HELB: variants seen among roughly 807,000 people sequenced by gnomAD.
The protein encoded by HELB is DNA 5'-3' helicase B.
Under a neutral mutation model 101.7 loss-of-function variants are expected in HELB, and 96 were observed. The ratio of observed to expected loss-of-function variants is 0.94; its 90% CI spans 0.80 to 1.12. HELB has a LOEUF of 1.12. Ranked by LOEUF, HELB falls within the 50% of genes most tolerant of loss-of-function variation. The pLI is 0.00. For synonymous variants in HELB, 437 were observed against 459.7 expected (o/e 0.95, Z 0.63); for missense variants, 1,210 against 1,291.9 (o/e 0.94, Z 0.97).
chr12:66,313,958 C>T, intron 4 of HELB, 28 bp from the exon 5 acceptor site: 1 of 1,606,550 alleles, frequency 6.2e-7, no homozygotes, highest in Non-Finnish European at 8.5e-7. Flanking sequence ...TATAACCTGA[C>T]TTTAGGAATG....
intron 11 of HELB, 124 bp from the exon 12 acceptor site, chr12:66,331,030 A>G (rs1592647276): frequency 1.9e-6 from 2 of 1,051,658 alleles, no homozygotes; most frequent in East Asian, 2.4e-5. Context: ...ATGGACACAT[A>G]ATAATAGTCT....
chr12:66,322,805 A>G lies in HELB; in HGVS notation c.2297+22A>G, dbSNP rs1308103404. ...CCAAGTGAGTGTCTTCGAGAACTGA[A>G]ACTTTTAAGGACAGTCCTTCTTCGA... On this transcript the variant is annotated intron_variant, in intron 9 of 12. Coordinates refer to ENST00000247815, the MANE Select transcript of HELB (RefSeq NM_001370285.1). The G allele has an allele frequency of 2.6e-6, 4 of 1,549,940 alleles. No individual in the cohort carries two copies. In the East Asian group the frequency reaches 9.0e-5, roughly 35 times the overall value.
intron 3 of HELB, among the ~76,000 whole-genome samples, chr12:66,306,740 A>C (rs2053481221): frequency 1.3e-5 from 2 of 152,216 alleles, no homozygotes; most frequent in Non-Finnish European, 2.9e-5. Flanking sequence ...AAGTTGCATA[A>C]ATTTGTAAAT....
chr12:66,313,834 G>C, intron 4 of HELB, 152 bp from the exon 5 acceptor site: 2 of 651,860 alleles, frequency 3.1e-6, no homozygotes, highest in East Asian at 2.7e-5. Flanking sequence ...TGGTCTGTCT[G>C]TTCTGCATAT....
chr12:66,310,654 G>A (rs112885700), intron 4 of HELB, 46 bp downstream of exon 4: 27 of 1,540,390 alleles, frequency 1.8e-5, no homozygotes, highest in African/African-American at 8.3e-5. Context: ...TTTGTCGGCC[G>A]GGCACAGTGG....
rs1352482305 is a variant in HELB, at chr12:66,310,385, G to C, written c.1457G>C (p.Ser486Thr). Residue 486 changes from serine to threonine, a missense_variant, in exon 4 of 13, where the codon AGC becomes ACC. By Grantham distance (58) the Ser-to-Thr change is moderately conservative. Transcript: ENST00000247815. ...GGATGTGGGAAGACCACAATCGTTA[G>C]CCGTCTTTTTAAGCATATAGAGCAG... ...KGGCGKTTIV[S>T]RLFKHIEQLE... The C allele has an allele frequency of 6.2e-7, 1 of 1,614,162 alleles. No individual in the cohort carries two copies. The highest frequency in any genetic ancestry group is 1.3e-5 in the African/African-American group (1 of 75,048).
At chr12:66,338,619 G>C (rs1259263375), downstream of HELB, 1 of 151,862 alleles carries the variant, frequency 6.6e-6, no homozygotes, top group Admixed American at 6.6e-5. Flanking sequence ...TCCATCCTGG[G>C]TGGCAGAGCG....
chr12:66,331,516 C>CA lies in HELB; in HGVS notation c.3034dup (p.Thr1012AsnfsTer4). 1 of 1,614,106 alleles carries CA rather than the reference C, an allele frequency of 6.2e-7. No homozygotes were observed. Among genetic ancestry groups the CA allele is most frequent in the Non-Finnish European group, 8.5e-7 (1 of 1,180,016 alleles). ...CCTCTTCGCCTGATGAGAGGACACTCACCTTTGCTGAAAGATGGCAATTAT... is the reference window on the plus strand; with the variant it reads ...CCTCTTCGCCTGATGAGAGGACACTCAACCTTTGCTGAAAGATGGCAATTAT... On this transcript the variant is annotated frameshift_variant, in exon 12 of 13. Coordinates refer to ENST00000247815, the MANE Select transcript of HELB (RefSeq NM_001370285.1). LOFTEE classifies it high-confidence loss of function.
At chr12:66,324,814 A>T in intron 10 of HELB, 169 bp from the exon 11 acceptor site, 1 of 665,582 alleles carries the variant, frequency 1.5e-6, no homozygotes, top group Non-Finnish European at 2.6e-6. Flanking sequence ...ATATTTAGGT[A>T]TAGATATATT....
At position 66,302,565 on chromosome 12, in the gene HELB, G is replaced by A. The variant is rs1433929363; in HGVS notation, c.-39G>A. On this transcript the variant is annotated 5_prime_UTR_variant, in exon 1 of 13. Transcript: ENST00000247815. ...CTGATCATGACCATGCAGTTAGCCA[G>A]GGTTTTCCCGAGTTGTTTGGGTTGA... The A allele has an allele frequency of 6.3e-7, 1 of 1,594,236 alleles. No homozygotes were observed. Among genetic ancestry groups the A allele is most frequent in the African/African-American group, 1.3e-5 (1 of 74,718 alleles).
chr12:66,334,084 T>C (rs1484661403), intron 12 of HELB, among the ~76,000 whole-genome samples: 1 of 151,940 alleles, frequency 6.6e-6, no homozygotes, highest in Non-Finnish European at 1.5e-5. Context: ...CACTTGAGAC[T>C]GAGAGGTCGA....
At chr12:66,318,126 A>G (rs370334872) in intron 6 of HELB, among the ~76,000 whole-genome samples, 7 of 152,200 alleles carry the variant, frequency 4.6e-5, no homozygotes, top group African/African-American at 1.7e-4. Context: ...TATAATGTAA[A>G]CATATGGAAA....
downstream of HELB, chr12:66,339,155 A>C (rs1040297536): frequency 6.6e-6 from 1 of 152,232 alleles, no homozygotes; most frequent in Non-Finnish European, 1.5e-5. Flanking sequence ...GATTGCAAAA[A>C]TTCAGAAAGT....
chr12:66,306,889 A>G (rs1044402161), intron 3 of HELB, among the ~76,000 whole-genome samples: 2 of 152,228 alleles, frequency 1.3e-5, no homozygotes, highest in African/African-American at 4.8e-5. Flanking sequence ...TGGCAAGTCC[A>G]TTCTGCTGTG....
At chr12:66,307,721 C>T (rs1376456161) in intron 3 of HELB, among the ~76,000 whole-genome samples, 3 of 151,704 alleles carry the variant, frequency 2.0e-5, no homozygotes, top group Non-Finnish European at 2.9e-5. Context: ...TTCCCTGCCA[C>T]TATCCCTTTC....
At chr12:66,303,661 A>C (rs962308520) in intron 1 of HELB, among the ~76,000 whole-genome samples, 1 of 152,194 alleles carries the variant, frequency 6.6e-6, no homozygotes, top group Non-Finnish European at 1.5e-5. Flanking sequence ...GAAAAGAAAA[A>C]GAAAAACGAA....
chr12:66,307,660 CA>C (rs1430252457), intron 3 of HELB, among the ~76,000 whole-genome samples: 7 of 152,066 alleles, frequency 4.6e-5, no homozygotes, highest in Non-Finnish European at 8.8e-5. Context: ...CTTTTGTGGT[CA>C]AGTGAGTTTG....
intron 6 of HELB, among the ~76,000 whole-genome samples, chr12:66,316,567 AAATAAT>A (rs59495617): frequency 0.15 from 22,299 of 144,934 alleles, 1,818 homozygotes; most frequent in Non-Finnish European, 0.19. Context: ...TGATAAGCTA[AAATAAT>A]AATAATAATA....
chr12:66,328,926 A>T (rs535279083), intron 11 of HELB, among the ~76,000 whole-genome samples: 1 of 152,084 alleles, frequency 6.6e-6, no homozygotes, highest in African/African-American at 2.4e-5. Context: ...GACTTATTTT[A>T]TATTTGTATT....
Sources: allele counts gnomAD v4.1 joint callset (sites outside exome capture counted in the v4.1 genomes callset), GRCh38; gene constraint gnomAD v4.1.1; transcripts MANE v1.5; gene names NCBI Gene and HGNC (gene_info 2026-07-23, HGNC 2026-07-21).